ZBTB25: variants seen among roughly 807,000 people sequenced by gnomAD.
The protein encoded by ZBTB25 is zinc finger and BTB domain-containing protein 25.
ZBTB25 carries 20 observed loss-of-function variants against 34.2 expected under a neutral mutation model. That is an observed-to-expected ratio of 0.58 (90% confidence interval 0.41 to 0.85). ZBTB25 has a LOEUF of 0.85. Among genes scored for constraint, ZBTB25 ranks in the 40% least tolerant of loss-of-function variants. The pLI, the probability that ZBTB25 is intolerant of heterozygous loss-of-function variation, is 0.00. For missense variants in ZBTB25, 437 were observed against 521.8 expected (o/e 0.84, Z 1.58); for synonymous variants, 175 against 186.4 (o/e 0.94, Z 0.50).
downstream of ZBTB25, among the ~76,000 whole-genome samples, chr14:64,475,148 A>C (rs1596596086): frequency 6.6e-6 from 1 of 152,258 alleles, no homozygotes; most frequent in South Asian, 2.1e-4. Flanking sequence ...AGGATTTTTA[A>C]AAGTTTTATG....
chr14:64,500,454 CAA>C lies in ZBTB25; in HGVS notation c.-8+3205_-8+3206del, dbSNP rs374975040. On this transcript the variant is annotated intron_variant, in intron 1 of 2. Transcript: ENST00000608382. Reference sequence around the variant, plus strand: ...CTAAGCACTTTTTCTCCCAATAAAGCAAAAAAAAAAAAAAAAAAAAAAGAGAG... The same window carrying C: ...CTAAGCACTTTTTCTCCCAATAAAGCAAAAAAAAAAAAAAAAAAAAGAGAG... Among the ~76,000 whole-genome samples the C allele has an allele frequency of 4.5e-3, 232 of 52,078 alleles. 3 individuals carry two copies. Among genetic ancestry groups the C allele is most frequent in the African/African-American group, 0.018 (217 of 12,242 alleles). The allele number at this position is 52,078 out of a possible 152,430, so 34.2% of individuals were successfully genotyped here. A position where few individuals can be genotyped will look rare whatever the true frequency, so the allele number is the denominator to read the frequency against.
intron 2 of ZBTB25, chr14:64,465,394 G>C (rs1256147): frequency 0.31 from 46,586 of 151,632 alleles, 9,520 homozygotes; most frequent in African/African-American, 0.58. Context: ...CCGCGCCTCC[G>C]GCGGTCGCCC....
In ZBTB25 at chr14:64,488,045, T is replaced by A. The variant is rs2078940638; in HGVS notation, c.186A>T (p.Lys62Asn). Residue 62 changes from lysine (K) to asparagine (N), a missense_variant, in exon 3 of 3, where the codon AAA becomes AAT. Physicochemically the swap from Lys to Asn is moderately conservative, Grantham distance 94. Transcript: ENST00000608382. ...IFIHQTSECI[K>N]IQPTDIQPDI... ...CAGGTTGGATGTCAGTTGGTTGTAT[T>A]TTTATGCATTCACTGTTAAAAACAA... 6.2e-7 allele frequency: 1 copy of A among 1,611,086 alleles called. No individual in the cohort carries two copies. Among genetic ancestry groups the A allele is most frequent in the African/African-American group, 1.3e-5 (1 of 74,856 alleles).
upstream of ZBTB25, chr14:64,505,055 G>C (rs2079622481): frequency 5.4e-6 from 2 of 373,082 alleles, no homozygotes; most frequent in South Asian, 1.3e-4. Context: ...CGATCCGTGC[G>C]GGGAGCCGGA....
At chr14:64,449,606 T>G in exon 3 of ZBTB25, 1 of 1,614,086 alleles carries the variant, frequency 6.2e-7, no homozygotes, top group Middle Eastern at 1.6e-4. Context: ...AGCTTCCAGC[T>G]CCTTTATGAC....
At chr14:64,495,942 C>A (rs148100023) in intron 1 of ZBTB25, among the ~76,000 whole-genome samples, 1 of 147,036 alleles carries the variant, frequency 6.8e-6, no homozygotes. Flanking sequence ...GCAACAAGAG[C>A]GAAACTCCAT....
intron 2 of ZBTB25, among the ~76,000 whole-genome samples, chr14:64,450,416 C>T (rs2078352214): frequency 6.6e-6 from 1 of 152,130 alleles, no homozygotes; most frequent in Non-Finnish European, 1.5e-5. Context: ...CCCTCACATG[C>T]AAAACCAAAG....
chr14:64,490,420 G>A lies in ZBTB25; in HGVS notation c.114C>T (p.His38=), dbSNP rs1230597796. 1 of 1,613,550 alleles carries A rather than the reference G, an allele frequency of 6.2e-7. No homozygotes were observed. The highest frequency in any genetic ancestry group is 1.7e-5 in the Admixed American group (1 of 60,006). ...VAIGDVYFKA[H]RAVLAAFSNY... is the part of the protein sequence containing the mutation. The stretch of plus-strand genomic sequence containing the variant: ...TAGAAAAAGCAGCAAGCACTGCTCT[G>A]TGGGCTTTGAAGTAAACATCTCCAA... Residue 38 remains histidine, a synonymous_variant, in exon 2 of 3, where the codon CAC becomes CAT. Coordinates refer to ENST00000608382, the MANE Select transcript of ZBTB25 (RefSeq NM_006977.5).
intron 2 of ZBTB25, chr14:64,468,620 CG>C: frequency 6.2e-7 from 1 of 1,613,840 alleles, no homozygotes; most frequent in Non-Finnish European, 8.5e-7. Context: ...AGAGCCCACA[CG>C]GGGGGCCTGG....
chr14:64,475,161 C>T (rs1371414109), downstream of ZBTB25, among the ~76,000 whole-genome samples: 8 of 152,068 alleles, frequency 5.3e-5, no homozygotes, highest in African/African-American at 1.9e-4. Context: ...GTTTTATGGC[C>T]GGGCGCGGTG....
At chr14:64,491,857 A>G (rs1437435507) in intron 1 of ZBTB25, among the ~76,000 whole-genome samples, 1 of 152,202 alleles carries the variant, frequency 6.6e-6, no homozygotes, top group Middle Eastern at 3.2e-3. Flanking sequence ...TCAGTGATGT[A>G]ATGCAGGGTT....
At chr14:64,455,162 GCC>G (rs991438825) in intron 2 of ZBTB25, 1 of 420,970 alleles carries the variant, frequency 2.4e-6, no homozygotes, top group African/African-American at 2.0e-5. Flanking sequence ...TCTAGGATGA[GCC>G]CAGTTGATAG....
At chr14:64,457,238 C>T (rs536960197) in intron 2 of ZBTB25, among the ~76,000 whole-genome samples, 8 of 152,246 alleles carry the variant, frequency 5.3e-5, no homozygotes, top group African/African-American at 1.9e-4. Flanking sequence ...CAAGACTGAA[C>T]GAAACAAAAT....
Position 64,500,454 on chromosome 14 carries a change from CA to C in ZBTB25, c.-8+3206del, listed in dbSNP as rs374975040. Among the ~76,000 whole-genome samples, 81 of 52,076 alleles carry C rather than the reference CA, an allele frequency of 1.6e-3. 1 individual carries two copies. Among genetic ancestry groups the C allele is most frequent in the African/African-American group, 5.1e-3 (62 of 12,238 alleles). The allele number at this position is 52,076 out of a possible 152,430, so 34.2% of individuals were successfully genotyped here. The stretch of plus-strand genomic sequence containing the variant: ...CTAAGCACTTTTTCTCCCAATAAAG[CA>C]AAAAAAAAAAAAAAAAAAAAAGAGA... On this transcript the variant is annotated intron_variant, in intron 1 of 2. Coordinates refer to ENST00000608382, the MANE Select transcript of ZBTB25 (RefSeq NM_006977.5).
At chr14:64,476,232 A>G (rs1223049226), downstream of ZBTB25, among the ~76,000 whole-genome samples, 2 of 152,262 alleles carry the variant, frequency 1.3e-5, no homozygotes, top group African/African-American at 4.8e-5. Context: ...ATATATATAA[A>G]TTACAACGCA....
chr14:64,472,450 TAAGA>T (rs1435511844), intron 2 of ZBTB25: 1 of 167,048 alleles, frequency 6.0e-6, no homozygotes, highest in Non-Finnish European at 1.5e-5. Flanking sequence ...ATTTTTTGGT[TAAGA>T]AAGTAAAATT....
rs925276091 is a variant in ZBTB25 at position 64,502,489 on chromosome 14, T to C, written c.-8+1172A>G. ...AGGAAGCAACCAATGCTGCAAATAA[T>C]AGAGAACAGCAATGAAACTTTCAGG... On this transcript the variant is annotated intron_variant, in intron 1 of 2. Coordinates refer to ENST00000608382, the MANE Select transcript of ZBTB25 (RefSeq NM_006977.5). The C allele has an allele frequency of 5.6e-5, 13 of 230,852 alleles. 1 individual carries two copies. The highest frequency in any genetic ancestry group is 2.2e-3 in the Middle Eastern group (1 of 454). 14.3% of individuals were successfully genotyped at this position (230,852 alleles called of 1,614,324 possible). A position where few individuals can be genotyped will look rare whatever the true frequency, so the allele number is the denominator to read the frequency against.
Position 64,478,937 on chromosome 14 carries a change from G to C in ZBTB25, c.*7986C>G, listed in dbSNP as rs907603393. Reference sequence around the variant, plus strand: ...CAATTTCATGAAGAGACCTCTTTGGGGAGACAATTATTTAGTTCAAACATT... The same window carrying C: ...CAATTTCATGAAGAGACCTCTTTGGCGAGACAATTATTTAGTTCAAACATT... On this transcript the variant is annotated 3_prime_UTR_variant, in exon 3 of 3. Coordinates refer to ENST00000608382, the MANE Select transcript of ZBTB25 (RefSeq NM_006977.5). The C allele has an allele frequency of 1.3e-5, 2 of 152,040 alleles. No homozygotes were observed. Among genetic ancestry groups the C allele is most frequent in the African/African-American group, 4.8e-5 (2 of 41,390 alleles). The allele number at this position is 152,040 out of a possible 1,614,324, so 9.4% of individuals were successfully genotyped here.
Position 64,478,249 on chromosome 14 carries a change from T to G in ZBTB25, c.*8674A>C, listed in dbSNP as rs2078738001. ...TCCTAGGATGATGAGAATAATATTG[T>G]AATCAGAAATGAAGGGGGAGGCAGG... is the stretch of plus-strand genomic sequence containing the variant. On this transcript the variant is annotated 3_prime_UTR_variant, in exon 3 of 3. Coordinates refer to ENST00000608382, the MANE Select transcript of ZBTB25 (RefSeq NM_006977.5). 1 of 152,286 alleles carries G rather than the reference T, an allele frequency of 6.6e-6. No individual in the cohort carries two copies. The highest frequency in any genetic ancestry group is 3.4e-3 in the Middle Eastern group (1 of 294). The allele number at this position is 152,286 out of a possible 1,614,324, so 9.4% of individuals were successfully genotyped here.
Sources: allele counts gnomAD v4.1 joint callset (sites outside exome capture counted in the v4.1 genomes callset), GRCh38; gene constraint gnomAD v4.1.1; transcripts MANE v1.5; gene names NCBI Gene and HGNC (gene_info 2026-07-23, HGNC 2026-07-21).